The following TLN2 variants were observed in gnomAD, a reference collection of about 807,000 sequenced individuals.
TLN2 encodes the protein talin-2.
A neutral mutation model predicts 294.7 loss-of-function variants in TLN2; 118 were observed. The ratio of observed to expected loss-of-function variants is 0.40; its 90% CI spans 0.34 to 0.47. The LOEUF (loss-of-function observed/expected upper bound fraction) is 0.47. Among genes scored for constraint, TLN2 ranks in the 20% least tolerant of loss-of-function variants. TLN2 has a pLI of 0.84. For synonymous variants in TLN2, 1,431 were observed against 1,304.5 expected, an observed-to-expected ratio of 1.10 and a Z score of -2.09; for missense variants, 3,083 against 3,282.2, an observed-to-expected ratio of 0.94 and a Z score of 1.48.
intron 45 of TLN2, 200 bp downstream of exon 45, chr15:62,784,090 C>CAGTG: frequency 1.2e-6 from 1 of 858,264 alleles, no homozygotes; most frequent in Non-Finnish European, 1.7e-6. Flanking sequence ...CCTTATGGGG[C>CAGTG]AGACTGGCCA....
At chr15:62,578,713 G>A (rs989092351) in intron 1 of TLN2, among the ~76,000 whole-genome samples, 2 of 152,134 alleles carry the variant, frequency 1.3e-5, no homozygotes, top group African/African-American at 4.8e-5. Flanking sequence ...GGGGAGGGGG[G>A]TAAAGTCCAC....
rs138639571 is a variant in TLN2 at position 62,487,240 on chromosome 15, A to G, written c.-238+96555A>G. Among the ~76,000 whole-genome samples, 581 of 152,284 alleles carry G rather than the reference A, an allele frequency of 3.8e-3. 6 individuals are homozygous for G. Among genetic ancestry groups the G allele is most frequent in the African/African-American group, 0.013 (556 of 41,566 alleles). ...TTACTGGGTTGATTCCGTGTGGTCA[A>G]CTTGCGTGATGTGTACATACCAGGC... On this transcript the variant is annotated intron_variant, in intron 1 of 58. Coordinates refer to ENST00000636159, the MANE Select transcript of TLN2 (RefSeq NM_015059.3).
At chr15:62,820,681 T>C in intron 54 of TLN2, 71 bp downstream of exon 54, 12 of 1,561,784 alleles carry the variant, frequency 7.7e-6, no homozygotes, top group Non-Finnish European at 8.7e-6. Flanking sequence ...GAAATGGAGC[T>C]AGGAGTGCTG....
chr15:62,575,613 C>A (rs2044321365), intron 1 of TLN2, among the ~76,000 whole-genome samples: 1 of 151,328 alleles, frequency 6.6e-6, no homozygotes, highest in African/African-American at 2.4e-5. Context: ...AAAACACACA[C>A]ACACACACAC....
chr15:62,667,580 G>A (rs563416043), intron 9 of TLN2, among the ~76,000 whole-genome samples: 21 of 152,272 alleles, frequency 1.4e-4, no homozygotes, highest in African/African-American at 3.4e-4. Flanking sequence ...TCGTATGAGC[G>A]ATAACACTCA....
intron 5 of TLN2, 135 bp from the exon 6 acceptor site, chr15:62,651,870 A>G: frequency 9.1e-7 from 1 of 1,101,046 alleles, no homozygotes; most frequent in South Asian, 2.4e-5. Flanking sequence ...AAAGGTTTTC[A>G]AAGATGTTTT....
At chr15:62,456,605 G>C (rs1258650357) in intron 1 of TLN2, among the ~76,000 whole-genome samples, 1 of 152,228 alleles carries the variant, frequency 6.6e-6, no homozygotes, top group Non-Finnish European at 1.5e-5. Flanking sequence ...TGCCAAAGGA[G>C]GTAGTGACAC....
intron 14 of TLN2, 94 bp from the exon 15 acceptor site, chr15:62,697,594 T>A (rs1158685897): frequency 7.1e-7 from 1 of 1,408,004 alleles, no homozygotes; most frequent in Admixed American, 2.4e-5. Context: ...CTTCACAGCA[T>A]AAAGCAGGGA....
At chr15:62,415,571 T>TTG in intron 1 of TLN2, among the ~76,000 whole-genome samples, 2 of 101,748 alleles carry the variant, frequency 2.0e-5, no homozygotes, top group Admixed American at 1.3e-4. Context: ...ACAGTGCCCA[T>TTG]TCATTTAACC....
intron 11 of TLN2, among the ~76,000 whole-genome samples, chr15:62,680,908 T>G (rs1490693510): frequency 6.6e-6 from 1 of 152,174 alleles, no homozygotes; most frequent in Admixed American, 6.5e-5. Flanking sequence ...AGGACATTAT[T>G]TTGTTCTTTT....
intron 1 of TLN2, among the ~76,000 whole-genome samples, chr15:62,476,599 T>C (rs1400209697): frequency 6.6e-6 from 1 of 152,188 alleles, no homozygotes; most frequent in Admixed American, 6.5e-5. Flanking sequence ...CATAATGGTT[T>C]TGGGGCCTTC....
intron 46 of TLN2, among the ~76,000 whole-genome samples, chr15:62,793,919 A>T (rs1477440502): frequency 6.6e-6 from 1 of 151,726 alleles, no homozygotes; most frequent in Non-Finnish European, 1.5e-5. Flanking sequence ...GCCCTCCCTG[A>T]GGCCAAGCTA....
At chr15:62,641,325 A>G (rs1245954147) in intron 3 of TLN2, among the ~76,000 whole-genome samples, 1 of 152,174 alleles carries the variant, frequency 6.6e-6, no homozygotes, top group Non-Finnish European at 1.5e-5. Context: ...TAATAATAAT[A>G]ACAAGCCCAG....
intron 54 of TLN2, chr15:62,831,972 T>A (rs886529225): frequency 2.6e-5 from 4 of 152,126 alleles, no homozygotes; most frequent in Non-Finnish European, 5.9e-5. Context: ...AGTGCCTCAT[T>A]TTGGAGTCAG....
At chr15:62,672,283 T>C (rs1414641538) in intron 9 of TLN2, among the ~76,000 whole-genome samples, 1 of 152,218 alleles carries the variant, frequency 6.6e-6, no homozygotes, top group African/African-American at 2.4e-5. Context: ...GTTTTCAGTA[T>C]GAGTTGGGAC....
At chr15:62,689,037 TTTTC>T (rs1289225481) in intron 12 of TLN2, among the ~76,000 whole-genome samples, 1 of 151,970 alleles carries the variant, frequency 6.6e-6, no homozygotes, top group Non-Finnish European at 1.5e-5. Flanking sequence ...ATTTTGTAGT[TTTTC>T]TGTTTGTCCA....
chr15:62,471,800 A>G (rs569861248), intron 1 of TLN2, among the ~76,000 whole-genome samples: 95 of 152,250 alleles, frequency 6.2e-4, no homozygotes, highest in African/African-American at 2.3e-3. Context: ...ATAAAGACAC[A>G]AGACAAATTC....
chr15:62,424,520 A>T (rs918048710), intron 1 of TLN2, among the ~76,000 whole-genome samples: 2 of 152,168 alleles, frequency 1.3e-5, no homozygotes, highest in African/African-American at 2.4e-5. Flanking sequence ...TTCTCCTGGG[A>T]CTAGACCAAG....
At chr15:62,650,263 T>C in intron 5 of TLN2, 82 bp downstream of exon 5, 1 of 1,429,284 alleles carries the variant, frequency 7.0e-7, no homozygotes, top group Non-Finnish European at 9.8e-7. Context: ...GTTACGCTAT[T>C]TTGATTCAAG....
Sources: allele counts gnomAD v4.1 joint callset (sites outside exome capture counted in the v4.1 genomes callset), GRCh38; gene constraint gnomAD v4.1.1; transcripts MANE v1.5; gene names NCBI Gene and HGNC (gene_info 2026-07-23, HGNC 2026-07-21).